The following C3orf33 variants were observed in gnomAD, a reference collection of about 807,000 sequenced individuals.
The protein encoded by C3orf33 is AP-1 activity suppressor.
C3orf33 carries 23 observed loss-of-function variants against 28.7 expected under a neutral mutation model. The ratio of observed to expected loss-of-function variants is 0.80; its 90% CI spans 0.58 to 1.13. The LOEUF (loss-of-function observed/expected upper bound fraction) is 1.13, where lower values mean the gene tolerates loss of function less well. Among genes scored for constraint, C3orf33 ranks in the 50% most tolerant of loss-of-function variants. C3orf33 has a pLI of 0.00. For missense variants in C3orf33, 327 were observed against 353.4 expected (o/e 0.93, Z 0.60); for synonymous variants, 119 against 120.5 (o/e 0.99, Z 0.08).
chr3:155,764,341 G>A, intron 4 of C3orf33, among the ~76,000 whole-genome samples: 1 of 152,128 alleles, frequency 6.6e-6, no homozygotes, highest in Non-Finnish European at 1.5e-5. Flanking sequence ...AAAATGAACT[G>A]AATCATCACT....
intron 3 of C3orf33, among the ~76,000 whole-genome samples, chr3:155,769,742 A>T (rs373668887): frequency 1.2e-3 from 180 of 152,296 alleles, no homozygotes; most frequent in African/African-American, 3.9e-3. Flanking sequence ...GAGGCAGTCA[A>T]ATTCCCAGGA....
intron 2 of C3orf33, among the ~76,000 whole-genome samples, chr3:155,782,721 G>T (rs114833108): frequency 0.013 from 1,981 of 152,272 alleles, 40 homozygotes; most frequent in African/African-American, 0.046. Context: ...TGTTACCACA[G>T]ACTTGCCCTG....
rs1750673347 is a variant in C3orf33 at position 155,774,303 on chromosome 3, T to C, written c.322+1398A>G. Among the ~76,000 whole-genome samples, 3 of 152,316 alleles carry C rather than the reference T, an allele frequency of 2.0e-5. No homozygotes were observed. In the South Asian group the frequency reaches 6.2e-4, roughly 32 times the overall value. The stretch of plus-strand genomic sequence containing the variant: ...TAAGTACTATAATTGCAGTGTATTA[T>C]AAATTGTTGTGGGGTATAGCAAAGA... On this transcript the variant is annotated intron_variant, in intron 3 of 4. Coordinates refer to ENST00000340171, the MANE Select transcript of C3orf33 (RefSeq NM_001308229.2).
chr3:155,763,963 T>G, intron 4 of C3orf33, 45 bp from the exon 5 acceptor site: 1 of 1,268,700 alleles, frequency 7.9e-7, no homozygotes, highest in South Asian at 2.4e-5. Flanking sequence ...AGATAATTGT[T>G]GTTATACCCA....
intron 2 of C3orf33, among the ~76,000 whole-genome samples, chr3:155,795,329 G>A (rs74954084): frequency 3.2e-4 from 48 of 152,228 alleles, no homozygotes; most frequent in African/African-American, 1.1e-3. Context: ...GGTGGTGCAT[G>A]CCTGTAATCC....
At chr3:155,796,243 G>A (rs548144973) in intron 2 of C3orf33, among the ~76,000 whole-genome samples, 85 of 151,982 alleles carry the variant, frequency 5.6e-4, no homozygotes, top group African/African-American at 1.7e-3. Flanking sequence ...AAACAAAGCC[G>A]ACAAACCTTT....
intron 2 of C3orf33, among the ~76,000 whole-genome samples, chr3:155,778,673 A>T (rs553218201): frequency 6.6e-6 from 1 of 152,248 alleles, no homozygotes; most frequent in Non-Finnish European, 1.5e-5. Flanking sequence ...TTTGAATCAC[A>T]GGACAAAGTT....
rs538568939 is a variant in C3orf33, at chr3:155,762,857, G to A, written c.*660C>T. 7.2e-5 allele frequency: 11 copies of A among 151,904 alleles called. No homozygotes were observed. Among genetic ancestry groups the A allele is most frequent in the South Asian group, 6.3e-4 (3 of 4,788 alleles). 9.4% of individuals were successfully genotyped at this position (151,904 alleles called of 1,614,324 possible). On this transcript the variant is annotated 3_prime_UTR_variant, in exon 5 of 5. Transcript: ENST00000340171. ...GCACTCCTGCCTGGGTGACAAGAGC[G>A]AAACTCCATGTCAAAACAAAAAAAG... is the stretch of plus-strand genomic sequence containing the variant.
intron 1 of C3orf33, among the ~76,000 whole-genome samples, chr3:155,803,633 C>A (rs6806201): frequency 0.016 from 2,347 of 149,516 alleles, 68 homozygotes; most frequent in African/African-American, 0.055. Context: ...GTAATCTCAG[C>A]ACTTGGGGAG....
At position 155,793,627 on chromosome 3, in the gene C3orf33, T is replaced by C. The variant is rs1004259792; in HGVS notation, c.174+8905A>G. Among the ~76,000 whole-genome samples, 5 of 151,494 alleles carry C rather than the reference T, an allele frequency of 3.3e-5. No individual in the cohort carries two copies. In the East Asian group the frequency reaches 5.9e-4, roughly 18 times the overall value. ...GGGTCCAAGACCAGCCTGGCCAACA[T>C]AGCGAAACCCCGTCTCTACTAAAAA... On this transcript the variant is annotated intron_variant, in intron 2 of 4. Coordinates refer to ENST00000340171, the MANE Select transcript of C3orf33 (RefSeq NM_001308229.2).
At chr3:155,785,298 G>T (rs1751065455) in intron 2 of C3orf33, among the ~76,000 whole-genome samples, 1 of 151,992 alleles carries the variant, frequency 6.6e-6, no homozygotes, top group Non-Finnish European at 1.5e-5. Flanking sequence ...GAATAGAATA[G>T]CCAGACAGAA....
At chr3:155,775,363 A>G (rs1577417061) in intron 3 of C3orf33, among the ~76,000 whole-genome samples, 1 of 151,918 alleles carries the variant, frequency 6.6e-6, no homozygotes, top group East Asian at 1.9e-4. Flanking sequence ...GTGGTGCATG[A>G]CTGTAATCCT....
intron 2 of C3orf33, among the ~76,000 whole-genome samples, chr3:155,780,334 A>G (rs758308253): frequency 1.3e-5 from 2 of 152,238 alleles, no homozygotes; most frequent in Non-Finnish European, 2.9e-5. Context: ...AAGGGTTTCA[A>G]ATTCAAGACA....
At chr3:155,782,781 C>G (rs1750965535) in intron 2 of C3orf33, among the ~76,000 whole-genome samples, 1 of 152,164 alleles carries the variant, frequency 6.6e-6, no homozygotes, top group Admixed American at 6.6e-5. Context: ...GGACACTAGA[C>G]AGTAACTTGA....
intron 1 of C3orf33, chr3:155,804,204 A>T: frequency 2.3e-6 from 1 of 430,860 alleles, no homozygotes; most frequent in South Asian, 1.7e-5. Flanking sequence ...AATGAGATTG[A>T]AAATATGCAC....
chr3:155,767,982 C>T (rs545496792), intron 3 of C3orf33, among the ~76,000 whole-genome samples: 38 of 152,204 alleles, frequency 2.5e-4, no homozygotes, highest in Admixed American at 3.9e-4. Context: ...CAGGTTCAAG[C>T]GATTCTCGTG....
intron 2 of C3orf33, among the ~76,000 whole-genome samples, chr3:155,792,899 G>A (rs1360053999): frequency 6.6e-6 from 1 of 152,100 alleles, no homozygotes. Flanking sequence ...AGAGATAGGG[G>A]TAGAAAGTTT....
At position 155,763,155 on chromosome 3, in the gene C3orf33, C is replaced by T. The variant is rs149583122; in HGVS notation, c.*362G>A. ...TCCAGCCTGGGCAACAAGAGCGAAA[C>T]GCCTTCTCAAAACAAACAAACAAAA... is the stretch of plus-strand genomic sequence containing the variant. On this transcript the variant is annotated 3_prime_UTR_variant, in exon 5 of 5. Coordinates refer to ENST00000340171, the MANE Select transcript of C3orf33 (RefSeq NM_001308229.2). The T allele has an allele frequency of 1.1e-3, 177 of 155,974 alleles. 1 individual carries two copies. The East Asian group carries it at 0.029, about 25-fold the overall frequency. 9.7% of individuals were successfully genotyped at this position (155,974 alleles called of 1,614,324 possible). A position where few individuals can be genotyped will look rare whatever the true frequency, so the allele number is the denominator to read the frequency against.
At chr3:155,768,885 A>T (rs1413197015) in intron 3 of C3orf33, among the ~76,000 whole-genome samples, 1 of 152,208 alleles carries the variant, frequency 6.6e-6, no homozygotes, top group East Asian at 1.9e-4. Context: ...CTTATCTCAA[A>T]ATAAAGAAGG....
Sources: gnomAD v4.1 joint callset for allele counts (sites outside exome capture counted in the v4.1 genomes callset) on GRCh38, gnomAD v4.1.1 for gene constraint, MANE v1.5 for transcripts, NCBI Gene and HGNC (gene_info 2026-07-23, HGNC 2026-07-21) for gene names.